Variants in PPM1H observed in about 807,000 individuals in gnomAD.
PPM1H encodes the protein protein phosphatase 1H.
PPM1H carries 27 observed loss-of-function variants against 54.9 expected under a neutral mutation model. The observed-to-expected ratio is 0.49, with a 90% CI of 0.36 to 0.68. The LOEUF (loss-of-function observed/expected upper bound fraction) is 0.68. Ranked by LOEUF, PPM1H falls within the 30% of genes least tolerant of loss-of-function variation. The pLI is 0.00. For missense variants in PPM1H, 596 were observed against 667.8 expected, an observed-to-expected ratio of 0.89 and a Z score of 1.19; for synonymous variants, 305 against 270.8, an observed-to-expected ratio of 1.13 and a Z score of -1.24.
At chr12:62,668,310 T>G (rs1211465353) in intron 8 of PPM1H, among the ~76,000 whole-genome samples, 1 of 152,184 alleles carries the variant, frequency 6.6e-6, no homozygotes, top group Non-Finnish European at 1.5e-5. Context: ...TTATACCATC[T>G]CATGAACTGA....
intron 4 of PPM1H, among the ~76,000 whole-genome samples, chr12:62,746,029 C>CA (rs999825252): frequency 3.3e-5 from 5 of 151,738 alleles, no homozygotes; most frequent in African/African-American, 7.3e-5. Context: ...CTCGTCTCTA[C>CA]AAAAAAATAG....
chr12:62,839,522 C>T (rs1868640723), intron 1 of PPM1H, among the ~76,000 whole-genome samples: 1 of 152,060 alleles, frequency 6.6e-6, no homozygotes, highest in Admixed American at 6.6e-5. Context: ...AGGCTGACTC[C>T]CGCGAGATAG....
chr12:62,874,943 T>G (rs1233057637), intron 1 of PPM1H, among the ~76,000 whole-genome samples: 1 of 152,132 alleles, frequency 6.6e-6, no homozygotes, highest in East Asian at 1.9e-4. Flanking sequence ...AAGGGACACA[T>G]AGGAGAGAGT....
At chr12:62,786,946 C>T (rs572898070) in intron 4 of PPM1H, among the ~76,000 whole-genome samples, 6 of 152,168 alleles carry the variant, frequency 3.9e-5, no homozygotes, top group South Asian at 2.1e-4. Flanking sequence ...TATATATATA[C>T]GTTTATGTCA....
At chr12:62,865,388 C>T (rs1414574136) in intron 1 of PPM1H, among the ~76,000 whole-genome samples, 2 of 152,194 alleles carry the variant, frequency 1.3e-5, no homozygotes, top group African/African-American at 4.8e-5. Flanking sequence ...ATATCCTCCC[C>T]TCCTCTGTCT....
intron 1 of PPM1H, among the ~76,000 whole-genome samples, chr12:62,902,838 G>A (rs1468012743): frequency 6.6e-6 from 1 of 152,180 alleles, no homozygotes; most frequent in Non-Finnish European, 1.5e-5. Context: ...TAGTTGCAGT[G>A]AGGCCCTACT....
chr12:62,704,091 T>C (rs1157248302), intron 6 of PPM1H, among the ~76,000 whole-genome samples: 1 of 152,028 alleles, frequency 6.6e-6, no homozygotes, highest in East Asian at 1.9e-4. Context: ...TCTTTTAGAG[T>C]CTTTTTTTCC....
chr12:62,723,434 T>A, intron 5 of PPM1H, among the ~76,000 whole-genome samples: 1 of 152,138 alleles, frequency 6.6e-6, no homozygotes. Context: ...CTCCTAAAAT[T>A]CATGTGTTGG....
In PPM1H at chr12:62,645,109, G is replaced by C. The variant is rs538111989; in HGVS notation, c.*3380C>G. Reference sequence around the variant, plus strand: ...AGGAGAATCCGAATTTCAAAGACATGGGAGATTTGTCCCTAATGTTTTCAT... The same window carrying C: ...AGGAGAATCCGAATTTCAAAGACATCGGAGATTTGTCCCTAATGTTTTCAT... On this transcript the variant is annotated 3_prime_UTR_variant, in exon 10 of 10. Transcript: ENST00000228705. 6 of 152,130 alleles carry C rather than the reference G, an allele frequency of 3.9e-5. No homozygotes were observed. In the South Asian group the frequency reaches 6.2e-4, roughly 16 times the overall value. The allele number at this position is 152,130 out of a possible 1,614,324, so 9.4% of individuals were successfully genotyped here.
intron 1 of PPM1H, among the ~76,000 whole-genome samples, chr12:62,881,185 G>A (rs1453589308): frequency 1.2e-4 from 19 of 152,068 alleles, no homozygotes; most frequent in Admixed American, 1.2e-3. Context: ...TTCTGATTAG[G>A]GTGGGCTACA....
intron 1 of PPM1H, among the ~76,000 whole-genome samples, chr12:62,865,085 G>A (rs1045338919): frequency 5.9e-5 from 9 of 152,122 alleles, no homozygotes; most frequent in Non-Finnish European, 1.0e-4. Context: ...CAAATCCTGT[G>A]GATAATTATT....
At chr12:62,654,237 A>AAAAAAAAAAAC (rs2075831712) in intron 9 of PPM1H, among the ~76,000 whole-genome samples, 1 of 150,864 alleles carries the variant, frequency 6.6e-6, no homozygotes, top group Non-Finnish European at 1.5e-5. Context: ...AAAAAAAAAA[A>AAAAAAAAAAAC]AAAAGCAACA....
chr12:62,701,803 A>G (rs989020370), intron 6 of PPM1H, among the ~76,000 whole-genome samples: 1 of 151,956 alleles, frequency 6.6e-6, no homozygotes, highest in Non-Finnish European at 1.5e-5. Context: ...CCACTCATCT[A>G]CAAGTCTGGC....
intron 4 of PPM1H, among the ~76,000 whole-genome samples, chr12:62,743,263 G>GA (rs1459705830): frequency 2.0e-5 from 3 of 152,228 alleles, no homozygotes; most frequent in Admixed American, 6.5e-5. Context: ...TGAGGCAGGA[G>GA]AATTGCTTGA....
chr12:62,829,319 G>C (rs1326022688), intron 2 of PPM1H, among the ~76,000 whole-genome samples: 1 of 152,198 alleles, frequency 6.6e-6, no homozygotes, highest in African/African-American at 2.4e-5. Context: ...TCAACTCAGA[G>C]ACAGGAAATA....
chr12:62,918,629 T>C (rs1243918042), intron 1 of PPM1H, among the ~76,000 whole-genome samples: 1 of 152,220 alleles, frequency 6.6e-6, no homozygotes, highest in Non-Finnish European at 1.5e-5. Context: ...ATGTCACTTT[T>C]CAAATTATAG....
chr12:62,893,677 A>G (rs1870880748), intron 1 of PPM1H, among the ~76,000 whole-genome samples: 1 of 151,968 alleles, frequency 6.6e-6, no homozygotes, highest in South Asian at 2.1e-4. Flanking sequence ...AGGTAAAGAC[A>G]AGGTTTACCA....
chr12:62,885,626 C>T (rs971090969), intron 1 of PPM1H, among the ~76,000 whole-genome samples: 4 of 152,140 alleles, frequency 2.6e-5, no homozygotes, highest in African/African-American at 9.7e-5. Context: ...TCTTGGGGGT[C>T]AACTTATAAT....
intron 4 of PPM1H, among the ~76,000 whole-genome samples, chr12:62,783,137 C>G (rs1347421431): frequency 6.6e-6 from 1 of 152,154 alleles, no homozygotes; most frequent in Non-Finnish European, 1.5e-5. Context: ...CGGCCAAAAA[C>G]ACAACATTTA....
Sources: allele counts gnomAD v4.1 joint callset (sites outside exome capture counted in the v4.1 genomes callset), GRCh38; gene constraint gnomAD v4.1.1; transcripts MANE v1.5; gene names NCBI Gene and HGNC (gene_info 2026-07-23, HGNC 2026-07-21).